The following AGAP1 variants were observed in gnomAD, a reference collection of about 807,000 sequenced individuals.
The protein encoded by AGAP1 is arf-GAP with GTPase, ANK repeat and PH domain-containing protein 1.
Under a neutral mutation model 105.3 loss-of-function variants are expected in AGAP1, and 29 were observed. The ratio of observed to expected loss-of-function variants is 0.28; its 90% CI spans 0.21 to 0.38. The LOEUF is 0.38. Ranked by LOEUF, AGAP1 falls within the 10% of genes least tolerant of loss-of-function variation. AGAP1 has a pLI of 1.00. For missense variants in AGAP1, 998 were observed against 1,165.1 expected (o/e 0.86, Z 2.09); for synonymous variants, 509 against 485.9 (o/e 1.05, Z -0.63).
At position 236,078,610 on chromosome 2, in the gene AGAP1, A is replaced by G. The variant is rs1055587307; in HGVS notation, c.2114+29329A>G. 1.3e-5 allele frequency among the ~76,000 whole-genome samples: 2 copies of G among 152,160 alleles called. No homozygotes were observed. Among genetic ancestry groups the G allele is most frequent in the Non-Finnish European group, 2.9e-5 (2 of 68,026 alleles). On this transcript the variant is annotated intron_variant, in intron 16 of 17. Coordinates refer to ENST00000304032, the MANE Select transcript of AGAP1 (RefSeq NM_001037131.3). This position sits in a 1 kb window ranked among gnomAD's most constrained non-coding sequence, Gnocchi z 5.3. ...TTTGAAAACGTAATCTCCCTAGATA[A>G]GTATTACCACTGAACCACCTGCTGA...
intron 12 of AGAP1, 119 bp from the exon 13 acceptor site, chr2:235,968,343 A>C: frequency 1.3e-5 from 17 of 1,262,078 alleles, no homozygotes; most frequent in South Asian, 1.6e-5. Flanking sequence ...ATGGGATGTT[A>C]TTTGCAGGGC....
intron 9 of AGAP1, among the ~76,000 whole-genome samples, chr2:235,854,686 G>A (rs2048611670): frequency 6.6e-6 from 1 of 152,226 alleles, no homozygotes; most frequent in South Asian, 2.1e-4. Context: ...AGCTTGACTT[G>A]CTTTATCTGT....
chr2:236,075,920 A>G (rs1484191666), intron 16 of AGAP1, among the ~76,000 whole-genome samples: 2 of 152,136 alleles, frequency 1.3e-5, no homozygotes, highest in Non-Finnish European at 2.9e-5. Flanking sequence ...ATTAGAGCAA[A>G]CCTCCGCAGG....
In AGAP1 at chr2:236,062,994, A is replaced by G. The variant is rs1334460845; in HGVS notation, c.2114+13713A>G. On this transcript the variant is annotated intron_variant, in intron 16 of 17. Transcript: ENST00000304032. The surrounding 1 kb of genome is among the most constrained non-coding windows in gnomAD (Gnocchi z 4.2). The stretch of plus-strand genomic sequence containing the variant: ...TTTTTTAAGAGATGGGGGTCTCACT[A>G]TGTTGCCCAGGCAGGGATCCTGGCC... Among the ~76,000 whole-genome samples the G allele has an allele frequency of 2.6e-5, 4 of 151,854 alleles. No homozygotes were observed. The highest frequency in any genetic ancestry group is 2.0e-4 in the Admixed American group (3 of 15,246).
chr2:236,120,549 G>C lies in AGAP1; in HGVS notation c.2370+102G>C, dbSNP rs968675818. 5 of 1,546,222 alleles carry C rather than the reference G, an allele frequency of 3.2e-6. No homozygotes were observed. Among genetic ancestry groups the C allele is most frequent in the African/African-American group, 2.7e-5 (2 of 73,424 alleles). On this transcript the variant is annotated intron_variant, in intron 17 of 17. Transcript: ENST00000304032. This position sits in a 1 kb window ranked among gnomAD's most constrained non-coding sequence, Gnocchi z 6.0. ...TTTCTGGCAGAAGGCTGTTGTTCTC[G>C]ATCTGCAAGTGGAAACAGTTCCTAA...
intron 1 of AGAP1, among the ~76,000 whole-genome samples, chr2:235,513,909 C>G (rs900943316): frequency 6.6e-6 from 1 of 152,168 alleles, no homozygotes; most frequent in African/African-American, 2.4e-5. Flanking sequence ...CACAGCACCC[C>G]CACGCTGAAC....
intron 6 of AGAP1, among the ~76,000 whole-genome samples, chr2:235,766,157 G>A (rs1954933285): frequency 6.6e-6 from 1 of 152,154 alleles, no homozygotes; most frequent in African/African-American, 2.4e-5. Context: ...AGTTATAATT[G>A]TTTTTAGTAA....
At chr2:235,711,446 A>G (rs1192864703) in intron 2 of AGAP1, among the ~76,000 whole-genome samples, 7 of 152,240 alleles carry the variant, frequency 4.6e-5, no homozygotes, top group Non-Finnish European at 1.0e-4. Context: ...ATTTTCTGGA[A>G]TATCTGCCCA....
rs1012134171 is a variant in AGAP1 at position 236,104,913 on chromosome 2, A to G, written c.2115-15279A>G. 2.0e-5 allele frequency among the ~76,000 whole-genome samples: 3 copies of G among 152,004 alleles called. No individual in the cohort carries two copies. The highest frequency in any genetic ancestry group is 2.0e-4 in the Admixed American group (3 of 15,280). ...AGACTCTGTCTCAAGGAAAAAAAAA[A>G]GGACTAGCGTGCACAGAGCCCTCGA... is the stretch of plus-strand genomic sequence containing the variant. On this transcript the variant is annotated intron_variant, in intron 16 of 17. Transcript: ENST00000304032. This position sits in a 1 kb window ranked among gnomAD's most constrained non-coding sequence, Gnocchi z 4.7.
chr2:235,912,166 C>G (rs115617939), intron 11 of AGAP1, among the ~76,000 whole-genome samples: 113 of 152,376 alleles, frequency 7.4e-4, no homozygotes, highest in African/African-American at 2.6e-3. Context: ...CATTCACCTT[C>G]TCTAAACATG....
rs1454516155 is a variant in AGAP1, at chr2:235,866,503, TGGTGAGGTC to T, written c.1051-16841_1051-16833del. The stretch of plus-strand genomic sequence containing the variant: ...GCCTGTGGGGCGTATTTGGTGAGAC[TGGTGAGGTC>T]AGCATTGGACCACCTCCCATGCTGG... On this transcript the variant is annotated intron_variant, in intron 9 of 17. Coordinates refer to ENST00000304032, the MANE Select transcript of AGAP1 (RefSeq NM_001037131.3). This position sits in a 1 kb window ranked among gnomAD's most constrained non-coding sequence, Gnocchi z 6.1. Among the ~76,000 whole-genome samples the T allele has an allele frequency of 1.3e-5, 2 of 152,162 alleles. No homozygotes were observed. Among genetic ancestry groups the T allele is most frequent in the Non-Finnish European group, 2.9e-5 (2 of 68,012 alleles).
chr2:235,952,413 T>G (rs1376394724), intron 12 of AGAP1, among the ~76,000 whole-genome samples: 1 of 152,238 alleles, frequency 6.6e-6, no homozygotes, highest in Admixed American at 6.5e-5. Flanking sequence ...ACTTTTTTCC[T>G]GTATTTTTAT....
intron 1 of AGAP1, among the ~76,000 whole-genome samples, chr2:235,696,145 A>G (rs1949987706): frequency 1.3e-5 from 2 of 152,128 alleles, no homozygotes; most frequent in African/African-American, 4.8e-5. Context: ...TCTCGATTTC[A>G]AGCGATTCTC....
chr2:235,543,572 G>A (rs1943524537), intron 1 of AGAP1, among the ~76,000 whole-genome samples: 1 of 152,196 alleles, frequency 6.6e-6, no homozygotes, highest in Non-Finnish European at 1.5e-5. Context: ...GGCTGGCCGG[G>A]GGTGTTTCCC....
intron 1 of AGAP1, among the ~76,000 whole-genome samples, chr2:235,584,450 A>ATTAGT (rs952065689): frequency 1.4e-5 from 2 of 146,852 alleles, no homozygotes; most frequent in African/African-American, 5.1e-5. Context: ...GGCTGATGTA[A>ATTAGT]TTAGTTAAGA....
chr2:235,768,436 G>C (rs1955153340), intron 6 of AGAP1, among the ~76,000 whole-genome samples: 1 of 152,176 alleles, frequency 6.6e-6, no homozygotes, highest in Admixed American at 6.5e-5. Flanking sequence ...TCAGTATATA[G>C]AGTAGTGAAA....
chr2:236,096,467 C>G lies in AGAP1; in HGVS notation c.2115-23725C>G, dbSNP rs746093399. Among the ~76,000 whole-genome samples, 4 of 151,028 alleles carry G rather than the reference C, an allele frequency of 2.6e-5. No homozygotes were observed. Among genetic ancestry groups the G allele is most frequent in the Non-Finnish European group, 5.9e-5 (4 of 67,872 alleles). ...AGTGAGCCAAGATCGCACCACTGCA[C>G]TCCAGCCTTGGGGACAGAGTGAGCC... On this transcript the variant is annotated intron_variant, in intron 16 of 17. Transcript: ENST00000304032. The surrounding 1 kb of genome is among the most constrained non-coding windows in gnomAD (Gnocchi z 4.4).
intron 1 of AGAP1, among the ~76,000 whole-genome samples, chr2:235,512,989 G>T (rs1942214367): frequency 6.6e-6 from 1 of 152,196 alleles, no homozygotes; most frequent in African/African-American, 2.4e-5. Flanking sequence ...TTAGAACTGG[G>T]CACTCCTGGT....
Position 236,005,646 on chromosome 2 carries a change from T to C in AGAP1, c.1646-30915T>C, listed in dbSNP as rs2056297592. Among the ~76,000 whole-genome samples the C allele has an allele frequency of 6.6e-6, 1 of 152,224 alleles. No homozygotes were observed. The highest frequency in any genetic ancestry group is 2.4e-5 in the African/African-American group (1 of 41,456). On this transcript the variant is annotated intron_variant, in intron 13 of 17. Coordinates refer to ENST00000304032, the MANE Select transcript of AGAP1 (RefSeq NM_001037131.3). The surrounding 1 kb of genome is among the most constrained non-coding windows in gnomAD (Gnocchi z 4.1). ...CTTGGCTGGGACATTTTCTCAGACTTTTCCTGTCTTTGATGACCTTGAAGG... is the reference window on the plus strand; with the variant it reads ...CTTGGCTGGGACATTTTCTCAGACTCTTCCTGTCTTTGATGACCTTGAAGG...
Sources: allele counts gnomAD v4.1 joint callset (sites outside exome capture counted in the v4.1 genomes callset), GRCh38; gene constraint gnomAD v4.1.1; non-coding constraint Gnocchi (gnomAD v3.1); transcripts MANE v1.5; gene names NCBI Gene and HGNC (gene_info 2026-07-23, HGNC 2026-07-21).